STEEP1: variants seen among roughly 807,000 people sequenced by gnomAD.
STEEP1 encodes the protein STING ER exit protein.
In STEEP1, 3 loss-of-function variants were observed where a neutral mutation model predicts 19.2. The observed-to-expected ratio is 0.16, with a 90% CI of 0.07 to 0.40. The LOEUF (loss-of-function observed/expected upper bound fraction) is 0.40. Among genes scored for constraint, STEEP1 ranks in the 10% least tolerant of loss-of-function variants. STEEP1 has a pLI of 0.99. For synonymous variants in STEEP1, 46 were observed against 63.7 expected (o/e 0.72, Z 1.32); for missense variants, 54 against 177.1 (o/e 0.30, Z 3.94).
chrX:119,551,745 T>C (rs2053243409), intron 2 of STEEP1, among the ~76,000 whole-genome samples: 1 of 110,312 alleles, frequency 9.1e-6, no homozygotes, highest in East Asian at 2.9e-4. Flanking sequence ...TGTGGGTTTT[T>C]CCCCACACTC....
At chrX:119,548,163 C>T (rs1273000661) in intron 2 of STEEP1, among the ~76,000 whole-genome samples, 1 of 108,372 alleles carries the variant, frequency 9.2e-6, no homozygotes, top group African/African-American at 3.4e-5. Context: ...CAGAGCAAGA[C>T]CCTGTCTCAA....
At chrX:119,543,023 A>G (rs974764289) in intron 4 of STEEP1, among the ~76,000 whole-genome samples, 9 of 98,126 alleles carry the variant, frequency 9.2e-5, no homozygotes, top group Admixed American at 1.1e-4. Flanking sequence ...AAAAAAAAAA[A>G]AAGAAGGACA....
chrX:119,554,696 A>C (rs1337015508), intron 2 of STEEP1, among the ~76,000 whole-genome samples: 1 of 111,803 alleles, frequency 8.9e-6, no homozygotes, highest in Non-Finnish European at 1.9e-5. Context: ...TGTCATGAGG[A>C]TACTCAAGCA....
At chrX:119,549,156 C>G (rs1445704532) in intron 2 of STEEP1, among the ~76,000 whole-genome samples, 1 of 111,455 alleles carries the variant, frequency 9.0e-6, no homozygotes, top group Non-Finnish European at 1.9e-5. Context: ...ATCTAATGTA[C>G]AGCATCATAA....
At chrX:119,550,341 G>A (rs2053234617) in intron 2 of STEEP1, among the ~76,000 whole-genome samples, 1 of 111,942 alleles carries the variant, frequency 8.9e-6, no homozygotes, top group Non-Finnish European at 1.9e-5. Context: ...AATAAAGACA[G>A]GGTGATACTG....
At chrX:119,545,893 C>CAAAA (rs71927150) in intron 2 of STEEP1, among the ~76,000 whole-genome samples, 2 of 55,414 alleles carry the variant, frequency 3.6e-5, no homozygotes, top group African/African-American at 1.4e-4. Context: ...AACTCCGTCT[C>CAAAA]AAAAAAAAAA....
intron 2 of STEEP1, among the ~76,000 whole-genome samples, chrX:119,551,820 G>T (rs1234738532): frequency 9.1e-6 from 1 of 110,389 alleles, no homozygotes; most frequent in Non-Finnish European, 1.9e-5. Context: ...CGGACACAGC[G>T]TCAGATACCA....
chrX:119,562,426 G>A (rs773760449), intron 1 of STEEP1, among the ~76,000 whole-genome samples: 2 of 110,141 alleles, frequency 1.8e-5, no homozygotes, highest in Non-Finnish European at 3.8e-5. Flanking sequence ...CCAGCTACTC[G>A]GGAGGCTGAG....
At chrX:119,561,737 G>A (rs962303043) in intron 1 of STEEP1, among the ~76,000 whole-genome samples, 5 of 111,735 alleles carry the variant, frequency 4.5e-5, no homozygotes, top group African/African-American at 1.6e-4. Flanking sequence ...AAGGATCACA[G>A]AGAAAGTCAA....
In STEEP1 at chrX:119,539,014, C is replaced by G. The variant is rs2053143073; in HGVS notation, c.*713G>C. 2 of 111,477 alleles carry G rather than the reference C, an allele frequency of 1.8e-5. No individual in the cohort carries two copies. The highest frequency in any genetic ancestry group is 6.5e-5 in the African/African-American group (2 of 30,660). The allele number at this position is 111,477 out of a possible 1,213,427, so 9.2% of individuals were successfully genotyped here. ...TGACTTGCTATACCTAAATATAATTCATGGTGCTTTTCCTATGACACACCA... is the reference window on the plus strand; with the variant it reads ...TGACTTGCTATACCTAAATATAATTGATGGTGCTTTTCCTATGACACACCA... On this transcript the variant is annotated 3_prime_UTR_variant, in exon 7 of 7. Coordinates refer to ENST00000644802, the MANE Select transcript of STEEP1 (RefSeq NM_022101.4).
At chrX:119,553,157 AAAAAAAAAAGT>A (rs2147353524) in intron 2 of STEEP1, among the ~76,000 whole-genome samples, 1 of 108,412 alleles carries the variant, frequency 9.2e-6, no homozygotes, top group East Asian at 2.9e-4. Flanking sequence ...GTCTCAAAAA[AAAAAAAAAAGT>A]GGAAAACAGA....
intron 1 of STEEP1, 149 bp downstream of exon 1, chrX:119,565,083 G>T: frequency 1.1e-6 from 1 of 934,399 alleles, no homozygotes; most frequent in Non-Finnish European, 1.4e-6. Context: ...GGAGTGGGGC[G>T]GGGATGCGTA....
intron 2 of STEEP1, among the ~76,000 whole-genome samples, chrX:119,555,152 T>C (rs141637791): frequency 0.026 from 2,862 of 109,912 alleles, 46 homozygotes; most frequent in Non-Finnish European, 0.041. Context: ...ATAGTCATCT[T>C]CTTAATCGCA....
intron 2 of STEEP1, among the ~76,000 whole-genome samples, chrX:119,546,935 A>G (rs2053210185): frequency 9.0e-6 from 1 of 111,212 alleles, no homozygotes; most frequent in African/African-American, 3.3e-5. Flanking sequence ...ACTTTGTAAT[A>G]GGCAATATAT....
Position 119,565,263 on chromosome X carries a change from G to A in STEEP1, c.93C>T (p.Tyr31=). ...CTAGGACCATCTGGCCGCACAAACA[G>A]TAGTAAACATGGAGGGGCTTCTCGC... ...DDGEKPLHVY[Y]CLCGQMVLVL... The change falls in exon 1 of 7, where the codon TAC becomes TAT. Residue 31 remains tyrosine, a synonymous_variant. Coordinates refer to ENST00000644802, the MANE Select transcript of STEEP1 (RefSeq NM_022101.4). The A allele has an allele frequency of 8.3e-7, 1 of 1,209,915 alleles. No individual in the cohort carries two copies. Among genetic ancestry groups the A allele is most frequent in the East Asian group, 3.0e-5 (1 of 33,794 alleles).
chrX:119,559,930 TC>T (rs2053309664), intron 2 of STEEP1, among the ~76,000 whole-genome samples: 1 of 111,669 alleles, frequency 9.0e-6, no homozygotes, highest in South Asian at 3.7e-4. Context: ...ACGCCTGTCA[TC>T]CCAGCTACTG....
intron 5 of STEEP1, 33 bp downstream of exon 5, chrX:119,542,472 A>C (rs754600743): frequency 2.8e-6 from 3 of 1,083,963 alleles, no homozygotes; most frequent in Non-Finnish European, 3.8e-6. Flanking sequence ...CTTCTCCCCA[A>C]ATTCCAGTTT....
chrX:119,556,731 A>G (rs2053281190), intron 2 of STEEP1, among the ~76,000 whole-genome samples: 1 of 111,573 alleles, frequency 9.0e-6, no homozygotes, highest in African/African-American at 3.3e-5. Context: ...GCAACTGGCT[A>G]TACAGTTCTG....
chrX:119,542,046 TTTTCTTTTC>T (rs2053164792), intron 5 of STEEP1, among the ~76,000 whole-genome samples: 1 of 70,128 alleles, frequency 1.4e-5, no homozygotes, highest in African/African-American at 7.1e-5. Context: ...TCAGAGTTTC[TTTTCTTTTC>T]TTTTTTTTTT....
Sources: allele counts gnomAD v4.1 joint callset (sites outside exome capture counted in the v4.1 genomes callset), GRCh38; gene constraint gnomAD v4.1.1; transcripts MANE v1.5; gene names NCBI Gene and HGNC (gene_info 2026-07-23, HGNC 2026-07-21).